Variants in DNAH17 observed in about 807,000 individuals in gnomAD.
DNAH17 encodes axonemal beta dynein heavy chain 17.
DNAH17 carries 376 observed loss-of-function variants against 485.6 expected under a neutral mutation model. The observed-to-expected ratio is 0.77, with a 90% confidence interval of 0.71 to 0.84. DNAH17 has a LOEUF of 0.84. Ranked by LOEUF, DNAH17 falls within the 40% of genes least tolerant of loss-of-function variation. DNAH17 has a pLI of 0.00. For missense variants in DNAH17, 6,370 were observed against 5,839.3 expected (o/e 1.09, Z -2.96); for synonymous variants, 3,031 against 2,405.9 (o/e 1.26, Z -7.60).
intron 58 of DNAH17, among the ~76,000 whole-genome samples, chr17:78,461,154 G>A (rs917293668): frequency 1.2e-4 from 19 of 152,142 alleles, no homozygotes; most frequent in Admixed American, 9.2e-4. Context: ...CTGAGGACCA[G>A]GCTCCAGTGA....
At position 78,571,317 on chromosome 17, in the gene DNAH17, C is replaced by G. The variant is rs2092354370; in HGVS notation, c.794G>C (p.Trp265Ser). ...GGTGTAAACGTTTTGCAGGGCTGGC[C>G]AGTAGCAGCTTTTGGCTTTCTCTAG... ...EILEKAKSCY[W>S]PALQNVYTNV... The change falls in exon 5 of 81, where the codon TGG becomes TCG. Residue 265 changes from tryptophan to serine, a missense_variant. Physicochemically the swap from Trp to Ser is radical, Grantham distance 177. Transcript: ENST00000389840. The G allele has an allele frequency of 1.2e-6, 2 of 1,613,936 alleles. No homozygotes were observed. The highest frequency in any genetic ancestry group is 1.7e-6 in the Non-Finnish European group (2 of 1,179,870).
intron 77 of DNAH17, 28 bp from the exon 78 acceptor site, chr17:78,427,136 G>A (rs1340824599): frequency 1.3e-6 from 2 of 1,554,774 alleles, no homozygotes; most frequent in South Asian, 1.2e-5. Context: ...GACAGCCCCT[G>A]TCACTGCAAA....
At position 78,530,292 on chromosome 17, in the gene DNAH17, T is replaced by C. The variant is rs2091195915; in HGVS notation, c.3284+51A>G. ...CCCACTCAAGTGGAAGGCCACTCCC[T>C]GGTGCTCTGCACATTCCTTGGGCTC... On this transcript the variant is annotated intron_variant, in intron 21 of 80. Transcript: ENST00000389840. 18 of 1,533,020 alleles carry C rather than the reference T, an allele frequency of 1.2e-5. No homozygotes were observed. In the South Asian group the frequency reaches 2.2e-4, roughly 19 times the overall value. The allele number at this position is 1,533,020 out of a possible 1,614,324, so 95.0% of individuals were successfully genotyped here.
chr17:78,514,502 T>G (rs1398346592), intron 26 of DNAH17, among the ~76,000 whole-genome samples: 1 of 20,634 alleles, frequency 4.8e-5, no homozygotes, highest in Non-Finnish European at 9.1e-5. Context: ...AGACTCCGTC[T>G]CAAAAAAAAA....
intron 74 of DNAH17, 103 bp from the exon 75 acceptor site, chr17:78,434,323 A>C: frequency 1.2e-6 from 1 of 814,068 alleles, no homozygotes; most frequent in Non-Finnish European, 1.8e-6. Context: ...ATGCTTTGCT[A>C]GGGTGGGGGC....
rs760702062 is a variant in DNAH17 at position 78,475,764 on chromosome 17, G to A, written c.8224C>T (p.Pro2742Ser). 35 of 1,613,854 alleles carry A rather than the reference G, an allele frequency of 2.2e-5. No homozygotes were observed. In the African/African-American group the frequency reaches 3.3e-4, roughly 15 times the overall value. ...FCHFAQGIGD[P>S]KYVPVTDMAP... ...ATGTCGGTTACAGGAACATATTTGG[G>A]ATCGCCAATCCCTTGAGCAAAGTGG... Residue 2742 changes from proline to serine, a missense_variant, in exon 53 of 81, where the codon CCC (proline) becomes TCC (serine). Physicochemically the swap from Pro to Ser is moderately conservative, Grantham distance 74 (BLOSUM62 -1). Coordinates refer to ENST00000389840, the MANE Select transcript of DNAH17 (RefSeq NM_173628.4).
chr17:78,536,177 C>G (rs984873341), intron 19 of DNAH17, among the ~76,000 whole-genome samples: 1 of 152,100 alleles, frequency 6.6e-6, no homozygotes, highest in African/African-American at 2.4e-5. Flanking sequence ...CGGTGGCTCA[C>G]ACCTGTAATC....
In DNAH17 at chr17:78,495,901, C is replaced by G. The variant is rs373471841; in HGVS notation, c.5877G>C (p.Leu1959=). The change falls in exon 38 of 81, where the codon CTG becomes CTC. Residue 1959 remains leucine, a synonymous_variant. Transcript: ENST00000389840. ...TGAATAAGGCTTTTAGGTTCTCAGG[C>G]AGCTCCGCGCGTCCGGCGTACCCAG... The part of the protein sequence containing the change: ...MNPGYAGRAE[L]PENLKALFRP... 1.2e-6 allele frequency: 2 copies of G among 1,613,698 alleles called. No homozygotes were observed. The highest frequency in any genetic ancestry group is 1.3e-5 in the African/African-American group (1 of 74,936).
At chr17:78,533,846 G>A (rs528182702) in intron 19 of DNAH17, among the ~76,000 whole-genome samples, 1 of 152,052 alleles carries the variant, frequency 6.6e-6, no homozygotes, top group African/African-American at 2.4e-5. Context: ...CACCATGCCT[G>A]GCTAATTTTT....
chr17:78,427,131 C>T, intron 77 of DNAH17, 23 bp from the exon 78 acceptor site: 1 of 1,557,992 alleles, frequency 6.4e-7, no homozygotes. Flanking sequence ...CCCCGGACAG[C>T]CCCTGTCACT....
At chr17:78,460,355 C>T (rs1186749589) in intron 58 of DNAH17, 98 bp from the exon 59 acceptor site, 1 of 1,019,782 alleles carries the variant, frequency 9.8e-7, no homozygotes, top group South Asian at 1.5e-5. Flanking sequence ...CATGTGTGTG[C>T]ATGTATGCAC....
intron 21 of DNAH17, 35 bp from the exon 22 acceptor site, chr17:78,529,729 C>G (rs574362238): frequency 6.2e-7 from 1 of 1,601,034 alleles, no homozygotes. Flanking sequence ...GTGGCCCCAG[C>G]CCCCCTTAGG....
chr17:78,438,197 G>A (rs147772691), intron 73 of DNAH17, among the ~76,000 whole-genome samples: 1 of 151,464 alleles, frequency 6.6e-6, no homozygotes, highest in African/African-American at 2.4e-5. Flanking sequence ...TTGAAGCTGA[G>A]GGCTTCCCAC....
Position 78,492,035 on chromosome 17 carries a change from G to C in DNAH17, c.6542-465C>G, listed in dbSNP as rs149113539. Among the ~76,000 whole-genome samples, 526 of 152,272 alleles carry C rather than the reference G, an allele frequency of 3.5e-3. 6 individuals are homozygous for C. The highest frequency in any genetic ancestry group is 0.03 in the Admixed American group (452 of 15,304). Reference sequence around the variant, plus strand: ...AAGTGAGCTGTACATGCAGAAGCCAGCGAAGGGGGACAGGGAAAGCGGGTC... The same window carrying C: ...AAGTGAGCTGTACATGCAGAAGCCACCGAAGGGGGACAGGGAAAGCGGGTC... On this transcript the variant is annotated intron_variant, in intron 42 of 80. Coordinates refer to ENST00000389840, the MANE Select transcript of DNAH17 (RefSeq NM_173628.4).
At chr17:78,458,881 G>T in intron 61 of DNAH17, 120 bp downstream of exon 61, 1 of 1,200,504 alleles carries the variant, frequency 8.3e-7, no homozygotes, top group Non-Finnish European at 1.2e-6. Context: ...GCATCCTCTT[G>T]CACTGCTGAA....
intron 18 of DNAH17, among the ~76,000 whole-genome samples, chr17:78,538,499 C>T (rs1213117419): frequency 1.3e-5 from 2 of 152,188 alleles, no homozygotes; most frequent in African/African-American, 2.4e-5. Flanking sequence ...GCTTTTGAGC[C>T]CCCCAATTTG....
intron 17 of DNAH17, among the ~76,000 whole-genome samples, chr17:78,543,231 C>T (rs1449064161): frequency 6.6e-6 from 1 of 152,228 alleles, no homozygotes. Flanking sequence ...TCTCCTGCCT[C>T]AGCCTCCCGA....
At chr17:78,540,556 C>T (rs1452547842) in intron 17 of DNAH17, among the ~76,000 whole-genome samples, 3 of 63,126 alleles carry the variant, frequency 4.8e-5, no homozygotes, top group African/African-American at 2.1e-4. Context: ...GGTGGGTGGC[C>T]GAGTGGATGG....
rs1293516971 is a variant in DNAH17 at position 78,526,740 on chromosome 17, G to A, written c.3625-3C>T. ...TCCCTGAACTCATGTTGCTTGAGCTGCGAGAGAAGAGTGCAAAGTACAGAG... is the reference window on the plus strand; with the variant it reads ...TCCCTGAACTCATGTTGCTTGAGCTACGAGAGAAGAGTGCAAAGTACAGAG... On this transcript the variant is annotated splice_polypyrimidine_tract_variant and splice_region_variant and intron_variant, in intron 23 of 80. Transcript: ENST00000389840. 6.2e-7 allele frequency: 1 copy of A among 1,604,210 alleles called. No individual in the cohort carries two copies.
Sources: allele counts gnomAD v4.1 joint callset (sites outside exome capture counted in the v4.1 genomes callset), GRCh38; gene constraint gnomAD v4.1.1; transcripts MANE v1.5; gene names NCBI Gene and HGNC (gene_info 2026-07-23, HGNC 2026-07-21).